The following TDRD5 variants were observed in gnomAD, a reference collection of about 807,000 sequenced individuals.
TDRD5 encodes tudor domain containing 5, also known as tudor domain-containing protein 5.
In TDRD5, 41 loss-of-function variants were observed where a neutral mutation model predicts 120.6. The observed-to-expected ratio is 0.34, with a 90% CI of 0.26 to 0.44. TDRD5 has a LOEUF of 0.44. Among genes scored for constraint, TDRD5 ranks in the 20% least tolerant of loss-of-function variants. The pLI is 1.00. For synonymous variants in TDRD5, 430 were observed against 433.7 expected (o/e 0.99, Z 0.11); for missense variants, 1,006 against 1,221.2 (o/e 0.82, Z 2.63).
chr1:179,687,237 G>A (rs1680774773), intron 17 of TDRD5, among the ~76,000 whole-genome samples: 3 of 152,288 alleles, frequency 2.0e-5, no homozygotes, highest in South Asian at 4.1e-4. Context: ...ATTCTGGTAT[G>A]TTGTGTCTTT....
At chr1:179,618,183 G>A (rs531261471) in intron 4 of TDRD5, among the ~76,000 whole-genome samples, 25 of 152,210 alleles carry the variant, frequency 1.6e-4, no homozygotes, top group Middle Eastern at 6.8e-3. Flanking sequence ...GTCCTTTAGG[G>A]CCAGTTGTCC....
chr1:179,598,971 T>C (rs565062936), intron 4 of TDRD5, among the ~76,000 whole-genome samples: 1 of 152,230 alleles, frequency 6.6e-6, no homozygotes, highest in East Asian at 1.9e-4. Flanking sequence ...AAATATTCAG[T>C]CTTTCATAAT....
At chr1:179,640,564 A>G (rs1677991522) in intron 11 of TDRD5, 119 bp downstream of exon 11, 1 of 1,023,500 alleles carries the variant, frequency 9.8e-7, no homozygotes, top group Non-Finnish European at 1.5e-6. Context: ...CAAAGAAGTC[A>G]GTGTATAGAG....
intron 4 of TDRD5, among the ~76,000 whole-genome samples, chr1:179,616,554 A>AT (rs1189398555): frequency 6.6e-6 from 1 of 152,154 alleles, no homozygotes; most frequent in East Asian, 1.9e-4. Context: ...AATCTCTAGT[A>AT]TCAGTATCTC....
chr1:179,605,966 G>T (rs11806493), intron 4 of TDRD5, among the ~76,000 whole-genome samples: 10,109 of 152,108 alleles, frequency 0.066, 414 homozygotes, highest in African/African-American at 0.079. Flanking sequence ...AAGGAGTACA[G>T]TTGCTAAATT....
intron 17 of TDRD5, among the ~76,000 whole-genome samples, chr1:179,672,025 T>G (rs959905569): frequency 4.6e-5 from 7 of 151,532 alleles, no homozygotes; most frequent in African/African-American, 1.7e-4. Context: ...CATTGATTGA[T>G]GGGCATTTGA....
chr1:179,689,249 G>A (rs1169743005), intron 17 of TDRD5, among the ~76,000 whole-genome samples: 2 of 152,176 alleles, frequency 1.3e-5, no homozygotes, highest in African/African-American at 4.8e-5. Flanking sequence ...TGTCCTTTCT[G>A]TTTGTTAGTT....
intron 14 of TDRD5, among the ~76,000 whole-genome samples, chr1:179,660,523 G>A (rs1188299258): frequency 1.3e-5 from 2 of 151,816 alleles, no homozygotes; most frequent in Non-Finnish European, 2.9e-5. Context: ...AGTGTTTTTA[G>A]TGGTTGCTTT....
intron 6 of TDRD5, among the ~76,000 whole-genome samples, chr1:179,623,143 A>G (rs1676927160): frequency 6.6e-6 from 1 of 152,218 alleles, no homozygotes; most frequent in African/African-American, 2.4e-5. Flanking sequence ...TCCAGTGATA[A>G]TATCAAGAAT....
chr1:179,594,559 A>G (rs1410586782), intron 3 of TDRD5, among the ~76,000 whole-genome samples: 1 of 152,280 alleles, frequency 6.6e-6, no homozygotes, highest in African/African-American at 2.4e-5. Context: ...TTAAAGGCTC[A>G]AGAGACCAGT....
chr1:179,647,681 T>G (rs1239101983), intron 11 of TDRD5, among the ~76,000 whole-genome samples: 6 of 151,666 alleles, frequency 4.0e-5, no homozygotes, highest in African/African-American at 1.5e-4. Context: ...GGGAGAAAAT[T>G]TTCGCCACCT....
At chr1:179,628,531 C>A (rs1000838466) in intron 6 of TDRD5, among the ~76,000 whole-genome samples, 2 of 150,742 alleles carry the variant, frequency 1.3e-5, no homozygotes, top group Non-Finnish European at 3.0e-5. Flanking sequence ...GTCTCTAACT[C>A]CTGGCCTCAA....
intron 4 of TDRD5, among the ~76,000 whole-genome samples, chr1:179,608,798 G>A (rs1048049026): frequency 6.6e-6 from 1 of 151,604 alleles, no homozygotes; most frequent in Non-Finnish European, 1.5e-5. Flanking sequence ...CACATGGCTG[G>A]TAACTTCTGA....
At chr1:179,620,886 C>A in intron 5 of TDRD5, 149 bp from the exon 6 acceptor site, 1 of 569,734 alleles carries the variant, frequency 1.8e-6, no homozygotes, top group Non-Finnish European at 2.8e-6. Flanking sequence ...AAACTGGAAA[C>A]TCATTTTCAA....
chr1:179,689,192 C>T (rs886183905), intron 17 of TDRD5, among the ~76,000 whole-genome samples: 20 of 152,068 alleles, frequency 1.3e-4, no homozygotes, highest in African/African-American at 7.2e-5. Context: ...TTTTATCTAC[C>T]TTTGGTCTTT....
intron 14 of TDRD5, among the ~76,000 whole-genome samples, chr1:179,658,723 A>G (rs1679131370): frequency 2.0e-5 from 3 of 152,098 alleles, no homozygotes; most frequent in South Asian, 4.1e-4. Context: ...TCCCATTCCT[A>G]GAGAATAAGC....
chr1:179,665,053 T>C (rs892727394), intron 16 of TDRD5, among the ~76,000 whole-genome samples: 3 of 152,196 alleles, frequency 2.0e-5, no homozygotes, highest in African/African-American at 7.2e-5. Context: ...TCTTTTCATG[T>C]GCTTATTGGT....
rs867687242 is a variant in TDRD5, at chr1:179,650,993, G to A, written c.1927G>A (p.Glu643Lys). The A allele has an allele frequency of 5.0e-6, 8 of 1,613,990 alleles. No individual in the cohort carries two copies. The African/African-American group carries it at 5.3e-5, about 11-fold the overall frequency. The change falls in exon 12 of 18, where the codon GAA becomes AAA. Residue 643 changes from glutamate (E) to lysine (K), a missense_variant. Physicochemically the swap from Glu to Lys is moderately conservative, Grantham distance 56 (BLOSUM62 1). Around this residue, in one of 3 missense-constraint regions of TDRD5, gnomAD observed 158 missense variants for 257.5 expected, o/e 0.61. Transcript: ENST00000444136. ...TTTTTTGTGTGACACATCCTCAAAC[G>A]AAGATGTCTATTTCCATCATGTCTT... ...NIFLCDTSSNEDVYFHHVLRT... is the reference protein window; with the variant it reads ...NIFLCDTSSNKDVYFHHVLRT...
intron 9 of TDRD5, among the ~76,000 whole-genome samples, chr1:179,636,483 T>C (rs1370985436): frequency 6.6e-6 from 1 of 152,216 alleles, no homozygotes; most frequent in Non-Finnish European, 1.5e-5. Context: ...TAAAATGCAG[T>C]GCTCCCTGTT....
Sources: allele counts gnomAD v4.1 joint callset (sites outside exome capture counted in the v4.1 genomes callset), GRCh38; gene constraint gnomAD v4.1.1; regional missense constraint gnomAD v4.1.1; transcripts MANE v1.5; gene names NCBI Gene and HGNC (gene_info 2026-07-23, HGNC 2026-07-21).